Variants in IRAK1BP1 observed in about 807,000 individuals in gnomAD.
IRAK1BP1 encodes the protein interleukin 1 receptor associated kinase 1 binding protein 1.
IRAK1BP1 carries 24 observed loss-of-function variants against 28.0 expected under a neutral mutation model. That is an observed-to-expected ratio of 0.86 (90% CI 0.62 to 1.20). The LOEUF is 1.20. Among genes scored for constraint, IRAK1BP1 ranks in the 50% most tolerant of loss-of-function variants. The pLI, the probability that IRAK1BP1 is intolerant of heterozygous loss-of-function variation, is 0.00. For synonymous variants in IRAK1BP1, 131 were observed against 116.3 expected (o/e 1.13, Z -0.81); for missense variants, 336 against 316.7 (o/e 1.06, Z -0.46).
chr6:78,897,660 C>G (rs898950375), intron 2 of IRAK1BP1, among the ~76,000 whole-genome samples, 169 bp from the exon 3 acceptor site: 1 of 152,008 alleles, frequency 6.6e-6, no homozygotes, highest in African/African-American at 2.4e-5. Flanking sequence ...AAGCAAAAAT[C>G]TTAAAGAACA....
intron 4 of IRAK1BP1, among the ~76,000 whole-genome samples, chr6:78,925,388 C>A (rs1482433110): frequency 6.6e-6 from 1 of 152,018 alleles, no homozygotes; most frequent in Admixed American, 6.5e-5. Flanking sequence ...CATGAACGGA[C>A]ACTTCTCAAA....
At chr6:78,924,474 A>G (rs1772832293) in intron 4 of IRAK1BP1, among the ~76,000 whole-genome samples, 1 of 152,210 alleles carries the variant, frequency 6.6e-6, no homozygotes, top group South Asian at 2.1e-4. Flanking sequence ...TCACAGCCGA[A>G]TTCTATCAGA....
chr6:78,966,634 T>C, the IRAK1BP1 span, among the ~76,000 whole-genome samples: 144 of 152,314 alleles, frequency 9.5e-4, no homozygotes, highest in Non-Finnish European at 1.4e-3. Context: ...CAGAGGACAC[T>C]CCTTGTGTCT....
At chr6:78,963,752 T>C in the IRAK1BP1 span, among the ~76,000 whole-genome samples, 6 of 152,334 alleles carry the variant, frequency 3.9e-5, no homozygotes, top group Middle Eastern at 0.01. Context: ...TCTGCATGCT[T>C]GAATCTTTAA....
At chr6:78,978,293 T>C in the IRAK1BP1 span, among the ~76,000 whole-genome samples, 1 of 152,042 alleles carries the variant, frequency 6.6e-6, no homozygotes, top group Non-Finnish European at 1.5e-5. Flanking sequence ...GATAAATGAA[T>C]ATATTTTAAT....
the IRAK1BP1 span, among the ~76,000 whole-genome samples, chr6:78,972,273 C>T: frequency 1.3e-5 from 2 of 152,296 alleles, no homozygotes; most frequent in South Asian, 2.1e-4. Context: ...GGCACACTGA[C>T]ACCTCACACT....
At chr6:78,871,982 A>C in intron 1 of IRAK1BP1, 1 of 529,142 alleles carries the variant, frequency 1.9e-6, no homozygotes, top group Non-Finnish European at 3.3e-6. Context: ...CACTCTCTGC[A>C]AATGGGGCCA....
chr6:78,947,499 G>A (rs959066237), downstream of IRAK1BP1: 4 of 556,480 alleles, frequency 7.2e-6, no homozygotes, highest in African/African-American at 5.8e-5. Context: ...TTTCCAGTAG[G>A]ACAACATTAA....
intron 4 of IRAK1BP1, among the ~76,000 whole-genome samples, chr6:78,919,327 A>G (rs1772655834): frequency 6.6e-6 from 1 of 152,172 alleles, no homozygotes; most frequent in Non-Finnish European, 1.5e-5. Context: ...GACCAAAGGA[A>G]GAGAAATAAC....
the IRAK1BP1 span, among the ~76,000 whole-genome samples, chr6:78,968,397 C>T: frequency 6.6e-6 from 1 of 152,140 alleles, no homozygotes; most frequent in African/African-American, 2.4e-5. Context: ...TCTGTATTGG[C>T]AGATTCTGCA....
At chr6:78,886,471 A>G (rs1039125038) in intron 2 of IRAK1BP1, among the ~76,000 whole-genome samples, 12 of 152,312 alleles carry the variant, frequency 7.9e-5, no homozygotes, top group African/African-American at 2.6e-4. Flanking sequence ...TCGTAGTAGT[A>G]GGAACTGAAA....
intron 1 of IRAK1BP1, among the ~76,000 whole-genome samples, chr6:78,875,930 T>C (rs1386384087): frequency 6.6e-6 from 1 of 152,228 alleles, no homozygotes. Context: ...AAAGACTGTT[T>C]AAAGTTTTAT....
In IRAK1BP1 at chr6:78,879,471, G is replaced by A. The variant is rs1771142081; in HGVS notation, c.316-5907G>A. Among the ~76,000 whole-genome samples, 2 of 152,044 alleles carry A rather than the reference G, an allele frequency of 1.3e-5. 1 individual carries two copies. The highest frequency in any genetic ancestry group is 4.1e-4 in the South Asian group (2 of 4,820). On this transcript the variant is annotated intron_variant, in intron 1 of 3. Transcript: ENST00000369940. ...GTGTAGAAGCAATTCGATAAAGAAA[G>A]GAGTCTTTTCAACAAATGTTGCTGC... is the stretch of plus-strand genomic sequence containing the variant.
rs1157208301 is a variant in IRAK1BP1 at position 78,899,955 on chromosome 6, T to C, written c.*1621T>C. The C allele has an allele frequency of 2.6e-5, 4 of 152,194 alleles. No individual in the cohort carries two copies. The highest frequency in any genetic ancestry group is 1.3e-4 in the Admixed American group (2 of 15,268). 9.4% of individuals were successfully genotyped at this position (152,194 alleles called of 1,614,324 possible). ...ACATGCTAAATTTTCATCAGAAATA[T>C]TTTATCTGTATTTAAATTTCCTAAA... On this transcript the variant is annotated 3_prime_UTR_variant, in exon 4 of 4. Coordinates refer to ENST00000369940, the MANE Select transcript of IRAK1BP1 (RefSeq NM_001010844.4).
chr6:78,887,762 A>G (rs1382927106), intron 2 of IRAK1BP1, among the ~76,000 whole-genome samples: 1 of 147,168 alleles, frequency 6.8e-6, no homozygotes, highest in African/African-American at 2.5e-5. Context: ...GTGGGAATGT[A>G]TGATGATGTA....
At chr6:78,878,607 A>G (rs1320482001) in intron 1 of IRAK1BP1, among the ~76,000 whole-genome samples, 1 of 152,246 alleles carries the variant, frequency 6.6e-6, no homozygotes, top group Non-Finnish European at 1.5e-5. Flanking sequence ...AAAGGAATGC[A>G]GCTCCTCGCC....
chr6:78,868,289 A>G (rs896824918), intron 1 of IRAK1BP1, among the ~76,000 whole-genome samples: 1 of 152,218 alleles, frequency 6.6e-6, no homozygotes, highest in Non-Finnish European at 1.5e-5. Flanking sequence ...ATTCCGCACC[A>G]TGGAATTGGC....
intron 4 of IRAK1BP1, chr6:78,936,356 TTCAG>T (rs754593088): frequency 6.6e-6 from 1 of 151,918 alleles, no homozygotes; most frequent in Non-Finnish European, 1.5e-5. Flanking sequence ...CTAAAAGATC[TTCAG>T]TAAGACCCCT....
chr6:78,945,923 G>C (rs1773786075), exon 5 of IRAK1BP1: 2 of 984,216 alleles, frequency 2.0e-6, no homozygotes, highest in South Asian at 3.0e-5. Context: ...CTAAAACTCA[G>C]TATATTGCAT....
Sources: gnomAD v4.1 joint callset for allele counts (sites outside exome capture counted in the v4.1 genomes callset) on GRCh38, gnomAD v4.1.1 for gene constraint, MANE v1.5 for transcripts, NCBI Gene and HGNC (gene_info 2026-07-23, HGNC 2026-07-21) for gene names.